Variants in ZNF331 observed in about 807,000 individuals in gnomAD.
ZNF331 encodes C2H2-like zinc finger protein rearranged in thyroid adenomas.
A neutral mutation model predicts 7.0 loss-of-function variants in ZNF331; 2 were observed. The ratio of observed to expected loss-of-function variants is 0.29; its 90% CI spans 0.12 to 0.90. The LOEUF (loss-of-function observed/expected upper bound fraction) is 0.90, where lower values mean the gene tolerates loss of function less well. ZNF331 is among the 40% of genes least tolerant of loss of function. The pLI, the probability that ZNF331 is intolerant of heterozygous loss-of-function variation, is 0.58. For synonymous variants in ZNF331, 196 were observed against 205.4 expected (o/e 0.95, Z 0.39); for missense variants, 432 against 587.7 (o/e 0.74, Z 2.74).
Position 53,559,931 on chromosome 19 carries a change from A to T in ZNF331, c.-74+4023A>T, listed in dbSNP as rs972862348. ...GTACACATACATACCCACACCATAC[A>T]CACATACATACACACCACACACACA... On this transcript the variant is annotated intron_variant, in intron 3 of 5. Transcript: ENST00000449416. Among the ~76,000 whole-genome samples the T allele has an allele frequency of 2.0e-5, 3 of 150,156 alleles. No homozygotes were observed. The South Asian group carries it at 6.4e-4, about 32-fold the overall frequency.
At chr19:53,557,570 T>G (rs1484777836) in intron 3 of ZNF331, among the ~76,000 whole-genome samples, 1 of 152,208 alleles carries the variant, frequency 6.6e-6, no homozygotes, top group Non-Finnish European at 1.5e-5. Flanking sequence ...GTCAGGTATC[T>G]TCAGAGGCTA....
At chr19:53,567,164 T>A (rs1349944567) in intron 3 of ZNF331, among the ~76,000 whole-genome samples, 1 of 152,192 alleles carries the variant, frequency 6.6e-6, no homozygotes, top group Non-Finnish European at 1.5e-5. Context: ...ATATTCTGTG[T>A]GTAATTATGC....
Position 53,560,586 on chromosome 19 carries a change from T to G in ZNF331, c.-74+4678T>G, listed in dbSNP as rs929739183. 1.3e-5 allele frequency among the ~76,000 whole-genome samples: 2 copies of G among 152,198 alleles called. No individual in the cohort carries two copies. Among genetic ancestry groups the G allele is most frequent in the African/African-American group, 4.8e-5 (2 of 41,442 alleles). On this transcript the variant is annotated intron_variant, in intron 3 of 5. Transcript: ENST00000449416. The surrounding 1 kb of genome is among the most constrained non-coding windows in gnomAD (Gnocchi z 4.3). ...GTCATACAACACAAATGTATTATCT[T>G]ACTGTCATAGAGGTCAGAAGTCTGA...
In ZNF331 at chr19:53,544,413, T is replaced by C. The variant is rs1361369566; in HGVS notation, c.-138+5131T>C. On this transcript the variant is annotated intron_variant, in intron 2 of 5. Transcript: ENST00000449416. The stretch of plus-strand genomic sequence containing the variant: ...ACAAAAAATTAGCCGGGCGAGGTAG[T>C]GGGCACCTGTAGTCCCAGCTACTCG... Among the ~76,000 whole-genome samples, 62 of 136,160 alleles carry C rather than the reference T, an allele frequency of 4.6e-4. No individual in the cohort carries two copies. In the Middle Eastern group the frequency reaches 0.024, roughly 53 times the overall value. The allele number at this position is 136,160 out of a possible 152,430, so 89.3% of individuals were successfully genotyped here.
chr19:53,557,590 A>C (rs1163413872), intron 3 of ZNF331, among the ~76,000 whole-genome samples: 1 of 152,214 alleles, frequency 6.6e-6, no homozygotes, highest in African/African-American at 2.4e-5. Flanking sequence ...ATTTAGGTAC[A>C]GTATTGTGCT....
chr19:53,538,038 GTGTGCACATGCGTGTCGGGCT>G, upstream of ZNF331: 1 of 152,310 alleles, frequency 6.6e-6, no homozygotes, highest in African/African-American at 2.4e-5. Context: ...GTAGGGGTCT[GTGTGCACATGCGTGTCGGGCT>G]CTGCTGCTGT....
intron 2 of ZNF331, 80 bp from the exon 3 acceptor site, chr19:53,555,765 A>C (rs984303362): frequency 6.6e-6 from 1 of 150,762 alleles, no homozygotes; most frequent in Non-Finnish European, 1.5e-5. Flanking sequence ...TCTCCCAGAA[A>C]CTCCATCTCG....
Position 53,538,769 on chromosome 19 carries a change from C to T in ZNF331, c.-204-447C>T, listed in dbSNP as rs114010440. The T allele has an allele frequency of 9.2e-3, 1,401 of 152,906 alleles. 24 individuals carry two copies. The highest frequency in any genetic ancestry group is 0.031 in the African/African-American group (1,308 of 41,548). The allele number at this position is 152,906 out of a possible 1,614,324, so 9.5% of individuals were successfully genotyped here. On this transcript the variant is annotated intron_variant, in intron 1 of 5. Transcript: ENST00000449416. ...GCGTCTCTGTGCTGGGATGGATGAT[C>T]GGGCCTTCTGAGTGATGCAGGTGTG...
chr19:53,565,171 G>C (rs532951545), intron 3 of ZNF331, among the ~76,000 whole-genome samples: 1 of 152,178 alleles, frequency 6.6e-6, no homozygotes, highest in Non-Finnish European at 1.5e-5. Flanking sequence ...AATAGAAGAA[G>C]CTCAAGGCAG....
chr19:53,570,285 G>T (rs116608455), intron 4 of ZNF331, among the ~76,000 whole-genome samples: 1 of 151,446 alleles, frequency 6.6e-6, no homozygotes, highest in Admixed American at 6.6e-5. Context: ...AATCAGGAAC[G>T]GGGGAAAGGC....
At chr19:53,563,242 C>CA (rs2089987397) in intron 3 of ZNF331, among the ~76,000 whole-genome samples, 1 of 151,880 alleles carries the variant, frequency 6.6e-6, no homozygotes, top group Non-Finnish European at 1.5e-5. Flanking sequence ...CTTGTACCAC[C>CA]ACACTCAGCT....
At position 53,530,057 on chromosome 19, in the gene ZNF331, G is replaced by A. The variant is rs576112010; in HGVS notation, c.-205+7373G>A. ...GGTATCGACATCTGGCATCCACTTG[G>A]CTTCTAGGGAGGCCTCAGGAGCTTT... On this transcript the variant is annotated intron_variant, in intron 2 of 6. Transcript: ENST00000253144. Among the ~76,000 whole-genome samples the A allele has an allele frequency of 2.6e-5, 4 of 152,262 alleles. No individual in the cohort carries two copies. The East Asian group carries it at 7.7e-4, about 29-fold the overall frequency.
At chr19:53,561,551 T>C (rs1353897512) in intron 3 of ZNF331, among the ~76,000 whole-genome samples, 2 of 152,294 alleles carry the variant, frequency 1.3e-5, no homozygotes, top group East Asian at 1.9e-4. Flanking sequence ...CAGAGACTCT[T>C]TAAATCTAGT....
chr19:53,544,096 A>G (rs145489848), intron 2 of ZNF331, among the ~76,000 whole-genome samples: 3,523 of 151,290 alleles, frequency 0.023, 131 homozygotes, highest in African/African-American at 0.08. Context: ...GCGTGGTGGC[A>G]TGCACCTGTA....
the ZNF331 span, among the ~76,000 whole-genome samples, chr19:53,512,985 G>C: frequency 6.6e-6 from 1 of 151,702 alleles, no homozygotes; most frequent in Non-Finnish European, 1.5e-5. Flanking sequence ...GGAAGCACAT[G>C]GTTGAGAAGC....
At chr19:53,568,557 CA>C (rs1341433798) in intron 3 of ZNF331, among the ~76,000 whole-genome samples, 1 of 152,130 alleles carries the variant, frequency 6.6e-6, no homozygotes, top group Non-Finnish European at 1.5e-5. Context: ...GTATTTCTGG[CA>C]TAGCAAGCCC....
rs1286875240 is a variant in ZNF331, at chr19:53,560,005, T to C, written c.-74+4097T>C. On this transcript the variant is annotated intron_variant, in intron 3 of 5. Transcript: ENST00000449416. The surrounding 1 kb of genome is among the most constrained non-coding windows in gnomAD (Gnocchi z 4.3). ...TACACACACCATATATACACACACATATACGCACACACACCCCATACACAT... is the reference window on the plus strand; with the variant it reads ...TACACACACCATATATACACACACACATACGCACACACACCCCATACACAT... 2.0e-5 allele frequency among the ~76,000 whole-genome samples: 3 copies of C among 146,564 alleles called. No individual in the cohort carries two copies. Among genetic ancestry groups the C allele is most frequent in the Admixed American group, 1.4e-4 (2 of 14,620 alleles).
intron 2 of ZNF331, among the ~76,000 whole-genome samples, chr19:53,528,789 CT>C (rs11295331): frequency 0.35 from 51,862 of 149,140 alleles, 9,571 homozygotes; most frequent in African/African-American, 0.49. Flanking sequence ...TCAGATATTT[CT>C]TTTTTTTTTT....
At chr19:53,549,403 G>C (rs2088837794) in intron 2 of ZNF331, among the ~76,000 whole-genome samples, 1 of 152,208 alleles carries the variant, frequency 6.6e-6, no homozygotes, top group African/African-American at 2.4e-5. Context: ...GCAGAACAAG[G>C]AGGTAGGATG....
Sources: gnomAD v4.1 joint callset for allele counts (sites outside exome capture counted in the v4.1 genomes callset) on GRCh38, gnomAD v4.1.1 for gene constraint, Gnocchi (gnomAD v3.1) non-coding constraint, MANE v1.5 for transcripts, NCBI Gene and HGNC (gene_info 2026-07-23, HGNC 2026-07-21) for gene names.